TTC28: variants seen among roughly 807,000 people sequenced by gnomAD.
TTC28 encodes the protein tetratricopeptide repeat protein 28.
A neutral mutation model predicts 198.0 loss-of-function variants in TTC28; 61 were observed. The observed-to-expected ratio is 0.31, with a 90% CI of 0.25 to 0.38. TTC28 has a LOEUF of 0.38. Ranked by LOEUF, TTC28 falls within the 10% of genes least tolerant of loss-of-function variation. The pLI, the probability that TTC28 is intolerant of heterozygous loss-of-function variation, is 1.00. For synonymous variants in TTC28, 1,171 were observed against 1,297.8 expected (o/e 0.90, Z 2.10); for missense variants, 2,678 against 3,164.0 (o/e 0.85, Z 3.69).
intron 12 of TTC28, among the ~76,000 whole-genome samples, chr22:28,070,821 G>A (rs554112629): frequency 1.3e-5 from 2 of 152,244 alleles, no homozygotes; most frequent in South Asian, 2.1e-4. Context: ...CAGTTTCAAC[G>A]TATTAAGCCT....
At chr22:28,453,692 C>A (rs913432178) in intron 2 of TTC28, among the ~76,000 whole-genome samples, 1 of 152,186 alleles carries the variant, frequency 6.6e-6, no homozygotes, top group Non-Finnish European at 1.5e-5. Flanking sequence ...CCAAATCTTG[C>A]CACTTTATCA....
intron 2 of TTC28, among the ~76,000 whole-genome samples, chr22:28,354,659 TA>T (rs761502744): frequency 3.3e-5 from 5 of 152,106 alleles, no homozygotes; most frequent in East Asian, 3.9e-4. Context: ...CATAAATGGT[TA>T]AAATGGTAAA....
At chr22:28,256,729 C>T (rs573805529) in intron 5 of TTC28, among the ~76,000 whole-genome samples, 19 of 152,212 alleles carry the variant, frequency 1.2e-4, no homozygotes, top group Non-Finnish European at 2.4e-4. Flanking sequence ...ACAATGACAA[C>T]AACAAAAAGC....
chr22:28,636,014 C>T (rs2051264001), intron 1 of TTC28, among the ~76,000 whole-genome samples: 1 of 150,258 alleles, frequency 6.7e-6, no homozygotes, highest in Non-Finnish European at 1.5e-5. Flanking sequence ...ATGAATTCAA[C>T]ATTTTTAGAT....
intron 2 of TTC28, among the ~76,000 whole-genome samples, chr22:28,492,645 C>A (rs963031352): frequency 6.6e-6 from 1 of 152,150 alleles, no homozygotes; most frequent in East Asian, 1.9e-4. Flanking sequence ...ATGAAACAAC[C>A]AATTCACATT....
chr22:28,305,722 C>T (rs1286843617), intron 3 of TTC28, among the ~76,000 whole-genome samples: 2 of 152,124 alleles, frequency 1.3e-5, no homozygotes, highest in Non-Finnish European at 2.9e-5. Flanking sequence ...AAATCTGCCT[C>T]GGTGTCTCCA....
chr22:28,531,882 C>A (rs1466307191), intron 2 of TTC28, among the ~76,000 whole-genome samples: 1 of 152,144 alleles, frequency 6.6e-6, no homozygotes, highest in Non-Finnish European at 1.5e-5. Flanking sequence ...ACACAACATG[C>A]CAGAATCTCT....
In TTC28 at chr22:27,998,696, C is replaced by T. The variant is rs765658565; in HGVS notation, c.4963G>A (p.Val1655Met). ...FLAAGAQCVL[V>M]SLWPVPVAAS... is the part of the protein sequence containing the mutation. ...GCCACTGGCACAGGCCACAGAGACA[C>T]GAGGACACACTGAGCGCCGGCAGCC... The change falls in exon 16 of 23, where the codon GTG becomes ATG. Residue 1655 changes from valine to methionine, a missense_variant. This residue lies in a region of TTC28 where 314 missense variants were observed against 442.7 expected (regional missense o/e 0.71). Transcript: ENST00000397906. The T allele has an allele frequency of 1.2e-5, 18 of 1,550,814 alleles. No homozygotes were observed. The African/African-American group carries it at 1.2e-4, about 11-fold the overall frequency.
chr22:28,265,932 C>A (rs1438220310), intron 5 of TTC28, among the ~76,000 whole-genome samples: 1 of 152,056 alleles, frequency 6.6e-6, no homozygotes, highest in Non-Finnish European at 1.5e-5. Context: ...GTAATCCCAG[C>A]ACTTTGGAAG....
At chr22:27,989,623 A>C (rs1937328585) in intron 21 of TTC28, among the ~76,000 whole-genome samples, 1 of 151,874 alleles carries the variant, frequency 6.6e-6, no homozygotes, top group Non-Finnish European at 1.5e-5. Flanking sequence ...ATTTTTTTTA[A>C]TTTTTGTAGA....
chr22:28,107,094 G>C lies in TTC28; in HGVS notation c.2751C>G (p.Ala917=). ...AQSLNRMQDQ[A]KAYRGLGNGH... ...CATTTCCCAGGCCCCGGTAAGCCTT[G>C]GCTTGGTCTTGCATGCGATTCAGAC... Residue 917 remains alanine (A), a synonymous_variant, in exon 7 of 23, where the codon GCC becomes GCG. Coordinates refer to ENST00000397906, the MANE Select transcript of TTC28 (RefSeq NM_001145418.2). The C allele has an allele frequency of 1.3e-6, 2 of 1,551,388 alleles. No individual in the cohort carries two copies. The highest frequency in any genetic ancestry group is 3.3e-4 in the Middle Eastern group (2 of 5,992).
chr22:28,237,694 T>C (rs1426108527), intron 5 of TTC28, among the ~76,000 whole-genome samples: 1 of 152,216 alleles, frequency 6.6e-6, no homozygotes, highest in African/African-American at 2.4e-5. Context: ...TTTATCTACA[T>C]ATTTAAATTT....
intron 12 of TTC28, among the ~76,000 whole-genome samples, chr22:28,052,099 A>G (rs1195624329): frequency 1.3e-5 from 2 of 152,226 alleles, no homozygotes; most frequent in African/African-American, 4.8e-5. Flanking sequence ...ATTGGAAAAG[A>G]GATGGAATTT....
intron 1 of TTC28, among the ~76,000 whole-genome samples, chr22:28,670,708 T>C (rs994219774): frequency 6.8e-6 from 1 of 146,970 alleles, no homozygotes; most frequent in Admixed American, 6.7e-5. Flanking sequence ...TTAGGGCATA[T>C]ATATATATAT....
intron 2 of TTC28, among the ~76,000 whole-genome samples, chr22:28,507,141 A>G (rs1280741211): frequency 6.6e-6 from 1 of 152,190 alleles, no homozygotes; most frequent in East Asian, 1.9e-4. Flanking sequence ...TTGTAACCCA[A>G]TGCAAAGAAG....
chr22:27,984,216 G>A (rs1293927340), intron 22 of TTC28, among the ~76,000 whole-genome samples: 1 of 152,042 alleles, frequency 6.6e-6, no homozygotes, highest in African/African-American at 2.4e-5. Context: ...TGGGGCATGT[G>A]AGCAGTCTGT....
chr22:28,090,852 A>G (rs1941792011), intron 12 of TTC28, among the ~76,000 whole-genome samples: 1 of 152,194 alleles, frequency 6.6e-6, no homozygotes, highest in Non-Finnish European at 1.5e-5. Context: ...AAAGTGTTTA[A>G]TTTTAATATT....
At chr22:28,481,105 T>C (rs540261841) in intron 2 of TTC28, among the ~76,000 whole-genome samples, 1 of 152,220 alleles carries the variant, frequency 6.6e-6, no homozygotes, top group African/African-American at 2.4e-5. Flanking sequence ...TTGTGATATA[T>C]TGCATTACAT....
chr22:28,249,354 G>T (rs1018669756), intron 5 of TTC28, among the ~76,000 whole-genome samples: 22 of 152,088 alleles, frequency 1.4e-4, no homozygotes, highest in Admixed American at 6.5e-5. Context: ...ATATATGTAA[G>T]CTCTAATTAT....
Sources: gnomAD v4.1 joint callset for allele counts (sites outside exome capture counted in the v4.1 genomes callset) on GRCh38, gnomAD v4.1.1 for gene constraint, gnomAD v4.1.1 regional missense constraint, MANE v1.5 for transcripts, NCBI Gene and HGNC (gene_info 2026-07-23, HGNC 2026-07-21) for gene names.